Variants in ZEB1 observed in about 807,000 individuals in gnomAD.
ZEB1 encodes the protein zinc finger E-box binding homeobox 1.
ZEB1 carries 21 observed loss-of-function variants against 84.9 expected under a neutral mutation model. The ratio of observed to expected loss-of-function variants is 0.25; its 90% CI spans 0.18 to 0.36. The LOEUF is 0.36. Among genes scored for constraint, ZEB1 ranks in the 10% least tolerant of loss-of-function variants. The pLI, the probability that ZEB1 is intolerant of heterozygous loss-of-function variation, is 1.00. For missense variants in ZEB1, 1,104 were observed against 1,330.2 expected, an observed-to-expected ratio of 0.83 and a Z score of 2.65; for synonymous variants, 420 against 471.1, an observed-to-expected ratio of 0.89 and a Z score of 1.41.
intron 1 of ZEB1, among the ~76,000 whole-genome samples, chr10:31,383,831 C>T (rs2048130286): frequency 6.6e-6 from 1 of 151,992 alleles, no homozygotes; most frequent in Admixed American, 6.6e-5. Context: ...AAGGAATATA[C>T]TGGAATCAGT....
chr10:31,482,283 G>A (rs952107984), intron 2 of ZEB1, among the ~76,000 whole-genome samples: 1 of 152,004 alleles, frequency 6.6e-6, no homozygotes, highest in Non-Finnish European at 1.5e-5. Flanking sequence ...AGAAATCCAA[G>A]TTGAGGGGCA....
At chr10:31,469,880 T>G (rs1317971995) in intron 2 of ZEB1, among the ~76,000 whole-genome samples, 1 of 152,216 alleles carries the variant, frequency 6.6e-6, no homozygotes, top group African/African-American at 2.4e-5. Context: ...ACGGGTAGAC[T>G]GCCTCCTCAA....
chr10:31,417,438 G>A (rs1451755783), intron 1 of ZEB1, among the ~76,000 whole-genome samples: 1 of 152,088 alleles, frequency 6.6e-6, no homozygotes, highest in Non-Finnish European at 1.5e-5. Context: ...GATCCTGAGA[G>A]TATCTAGAGG....
At chr10:31,410,150 A>G (rs1010757315) in intron 1 of ZEB1, among the ~76,000 whole-genome samples, 4 of 152,228 alleles carry the variant, frequency 2.6e-5, no homozygotes, top group Non-Finnish European at 4.4e-5. Flanking sequence ...TGGGTTTGTC[A>G]TAAATGGCTG....
chr10:31,495,820 G>C lies in ZEB1; in HGVS notation c.304G>C (p.Asp102His). ...AATCCTGGGGCCTGAAGCTCAGGCA[G>C]ATGAAGCAGGATGTACAGGTACTCT... ...QEILGPEAQA[D>H]EAGCTVKDDE... Residue 102 changes from aspartate (D) to histidine (H), a missense_variant, in exon 3 of 9, where the codon GAT (aspartate) becomes CAT (histidine). This residue lies in a region of ZEB1 where 162 missense variants were observed against 184.5 expected (regional missense o/e 0.88). Coordinates refer to ENST00000424869, the MANE Select transcript of ZEB1 (RefSeq NM_001174096.2). 1 of 1,613,052 alleles carries C rather than the reference G, an allele frequency of 6.2e-7. No individual in the cohort carries two copies. Among genetic ancestry groups the C allele is most frequent in the Non-Finnish European group, 8.5e-7 (1 of 1,179,186 alleles).
chr10:31,446,096 C>T (rs550654717), intron 1 of ZEB1, among the ~76,000 whole-genome samples: 1 of 149,942 alleles, frequency 6.7e-6, no homozygotes, highest in African/African-American at 2.5e-5. Flanking sequence ...ATTTCAGATC[C>T]TGTTATTGGT....
At chr10:31,484,712 A>AT (rs2065494661) in intron 2 of ZEB1, among the ~76,000 whole-genome samples, 1 of 151,848 alleles carries the variant, frequency 6.6e-6, no homozygotes, top group Non-Finnish European at 1.5e-5. Flanking sequence ...GTAAATGAAT[A>AT]TTTTTTTCTT....
chr10:31,321,471 G>A, intron 1 of ZEB1: 2 of 1,614,022 alleles, frequency 1.2e-6, no homozygotes, highest in South Asian at 1.1e-5. Context: ...CTGTTTTAGC[G>A]TCAAATAGTG....
At chr10:31,335,560 G>A (rs1169569773) in intron 1 of ZEB1, among the ~76,000 whole-genome samples, 2 of 152,140 alleles carry the variant, frequency 1.3e-5, no homozygotes, top group Non-Finnish European at 2.9e-5. Flanking sequence ...CATCTCAATA[G>A]ATCCATCTGT....
intron 1 of ZEB1, among the ~76,000 whole-genome samples, chr10:31,371,958 T>C (rs1173192912): frequency 6.6e-6 from 1 of 152,142 alleles, no homozygotes; most frequent in East Asian, 1.9e-4. Context: ...AGGTTATTGA[T>C]AGGTAAACAT....
intron 1 of ZEB1, among the ~76,000 whole-genome samples, chr10:31,322,751 C>CTTTTTT (rs34285204): frequency 6.9e-6 from 1 of 145,524 alleles, no homozygotes; most frequent in African/African-American, 2.5e-5. Context: ...CTTGTTCTAC[C>CTTTTTT]TTTTTTTTTT....
At chr10:31,404,878 A>G (rs1202427980) in intron 1 of ZEB1, among the ~76,000 whole-genome samples, 1 of 152,140 alleles carries the variant, frequency 6.6e-6, no homozygotes, top group East Asian at 1.9e-4. Flanking sequence ...TGATGGTGTG[A>G]ACCAAAGTCA....
chr10:31,356,230 C>A (rs2042097180), intron 1 of ZEB1, among the ~76,000 whole-genome samples: 2 of 151,958 alleles, frequency 1.3e-5, no homozygotes, highest in South Asian at 4.2e-4. Context: ...TGTGCTAATT[C>A]TTGTTATTGT....
chr10:31,433,945 G>A (rs1207593187), intron 1 of ZEB1, among the ~76,000 whole-genome samples: 1 of 152,148 alleles, frequency 6.6e-6, no homozygotes, highest in Non-Finnish European at 1.5e-5. Flanking sequence ...GACAATAATG[G>A]AGGAAAGAAA....
intron 1 of ZEB1, among the ~76,000 whole-genome samples, chr10:31,398,816 C>T (rs1297289883): frequency 6.6e-6 from 1 of 151,970 alleles, no homozygotes. Context: ...CCTCTGGCTG[C>T]TGCTTTTTCA....
chr10:31,405,452 G>A (rs2052794586), intron 1 of ZEB1, among the ~76,000 whole-genome samples: 1 of 152,046 alleles, frequency 6.6e-6, no homozygotes, highest in Admixed American at 6.6e-5. Flanking sequence ...TACCCATAAA[G>A]CCTGATGCTT....
At chr10:31,360,990 G>T in intron 1 of ZEB1, 1 of 1,606,718 alleles carries the variant, frequency 6.2e-7, no homozygotes, top group South Asian at 1.1e-5. Context: ...TTCTGGTGGA[G>T]ATGGTACAGG....
At chr10:31,338,774 A>ATC (rs1466057358) in intron 1 of ZEB1, among the ~76,000 whole-genome samples, 3 of 152,192 alleles carry the variant, frequency 2.0e-5, no homozygotes, top group African/African-American at 7.2e-5. Context: ...TCTACCCGTA[A>ATC]TGCACAAATG....
At chr10:31,350,049 G>A (rs1000484060) in intron 1 of ZEB1, among the ~76,000 whole-genome samples, 1 of 151,916 alleles carries the variant, frequency 6.6e-6, no homozygotes, top group African/African-American at 2.4e-5. Context: ...TTATAGTGTC[G>A]GGTTTCATGT....
Sources: allele counts gnomAD v4.1 joint callset (sites outside exome capture counted in the v4.1 genomes callset), GRCh38; gene constraint gnomAD v4.1.1; regional missense constraint gnomAD v4.1.1; transcripts MANE v1.5; gene names NCBI Gene and HGNC (gene_info 2026-07-23, HGNC 2026-07-21).